TMEM117: variants seen among roughly 807,000 people sequenced by gnomAD.
TMEM117 encodes transmembrane protein 117.
A neutral mutation model predicts 52.4 loss-of-function variants in TMEM117; 27 were observed. The observed-to-expected ratio is 0.51, with a 90% confidence interval of 0.38 to 0.71. The LOEUF (loss-of-function observed/expected upper bound fraction) is 0.71. Among genes scored for constraint, TMEM117 ranks in the 30% least tolerant of loss-of-function variants. The probability of loss-of-function intolerance (pLI) is 0.00; values close to 1 mark genes in which losing one functional copy is unlikely to be tolerated. For missense variants in TMEM117, 556 were observed against 630.5 expected, an observed-to-expected ratio of 0.88 and a Z score of 1.26; for synonymous variants, 215 against 206.3, an observed-to-expected ratio of 1.04 and a Z score of -0.36.
At chr12:43,944,455 T>G (rs1395392979) in intron 3 of TMEM117, 113 bp downstream of exon 3, 3 of 1,000,002 alleles carry the variant, frequency 3.0e-6, no homozygotes, top group Admixed American at 5.4e-5. Flanking sequence ...TATTCTACCC[T>G]AAGAAGAAGG....
rs1947241006 is a variant in TMEM117 at position 44,067,571 on chromosome 12, T to C, written c.411-75954T>C. ...TGTCATTGTCAATGACATTTCATAA[T>C]ATTATGGCGGTAATATTTTGAAAGG... On this transcript the variant is annotated intron_variant, in intron 3 of 7. Transcript: ENST00000266534. Among the ~76,000 whole-genome samples the C allele has an allele frequency of 3.3e-5, 5 of 152,208 alleles. No individual in the cohort carries two copies. In the South Asian group the frequency reaches 1.0e-3, roughly 32 times the overall value.
intron 4 of TMEM117, among the ~76,000 whole-genome samples, chr12:44,198,187 G>T (rs534351991): frequency 6.6e-6 from 1 of 152,232 alleles, no homozygotes; most frequent in East Asian, 1.9e-4. Context: ...GATCATATAT[G>T]TATGTCTGTG....
chr12:43,874,282 A>G (rs1315087125), intron 2 of TMEM117, among the ~76,000 whole-genome samples: 2 of 152,158 alleles, frequency 1.3e-5, no homozygotes, highest in East Asian at 1.9e-4. Context: ...AGAAAGTTAT[A>G]TTAAAAAACA....
At chr12:43,815,866 G>A in the TMEM117 span, among the ~76,000 whole-genome samples, 1 of 152,194 alleles carries the variant, frequency 6.6e-6, no homozygotes, top group Non-Finnish European at 1.5e-5. Context: ...GGGCAGGAAG[G>A]CAGTGCAAGA....
chr12:43,836,035 G>GT (rs1250645934), upstream of TMEM117: 2 of 151,444 alleles, frequency 1.3e-5, no homozygotes, highest in African/African-American at 4.8e-5. Flanking sequence ...GCGGCGGCGG[G>GT]TGTGGGCCGA....
chr12:44,367,891 C>T (rs1205898065), intron 6 of TMEM117, among the ~76,000 whole-genome samples: 2 of 152,088 alleles, frequency 1.3e-5, no homozygotes, highest in African/African-American at 2.4e-5. Context: ...CACCTTGATC[C>T]GACCACCTGG....
chr12:44,332,015 T>C lies in TMEM117; in HGVS notation c.768+32276T>C, dbSNP rs144283316. ...TGCCTACCAATCATCAACTCTGTGC[T>C]AGAGGCATCACACTTATTTATCAAT... On this transcript the variant is annotated intron_variant, in intron 6 of 7. Coordinates refer to ENST00000266534, the MANE Select transcript of TMEM117 (RefSeq NM_032256.3). Among the ~76,000 whole-genome samples, 1,245 of 152,192 alleles carry C rather than the reference T, an allele frequency of 8.2e-3. 16 individuals carry two copies. Among genetic ancestry groups the C allele is most frequent in the African/African-American group, 0.029 (1,199 of 41,542 alleles).
chr12:44,013,457 G>C (rs1279783969), intron 3 of TMEM117, among the ~76,000 whole-genome samples: 1 of 152,142 alleles, frequency 6.6e-6, no homozygotes, highest in Non-Finnish European at 1.5e-5. Context: ...CTTCCCCCAG[G>C]TAGGTTAGGC....
intron 5 of TMEM117, among the ~76,000 whole-genome samples, chr12:44,241,815 C>A (rs1332957293): frequency 6.6e-6 from 1 of 151,980 alleles, no homozygotes; most frequent in Non-Finnish European, 1.5e-5. Flanking sequence ...CTCTGGACTT[C>A]CTAGTCTTCT....
At chr12:44,254,613 A>T (rs1435890945) in intron 5 of TMEM117, among the ~76,000 whole-genome samples, 2 of 152,006 alleles carry the variant, frequency 1.3e-5, no homozygotes. Context: ...TTCAGTAATT[A>T]TTCTGCTTCT....
At chr12:44,087,572 C>T (rs1947592316) in intron 3 of TMEM117, among the ~76,000 whole-genome samples, 1 of 151,968 alleles carries the variant, frequency 6.6e-6, no homozygotes, top group Non-Finnish European at 1.5e-5. Flanking sequence ...TGGTGATGGC[C>T]CCACCTCAGC....
At chr12:44,006,077 G>T (rs1438141859) in intron 3 of TMEM117, among the ~76,000 whole-genome samples, 1 of 152,164 alleles carries the variant, frequency 6.6e-6, no homozygotes. Context: ...TAGCGGATCA[G>T]CTATAAAGAT....
intron 5 of TMEM117, among the ~76,000 whole-genome samples, chr12:44,230,617 G>T (rs528372589): frequency 2.6e-5 from 4 of 151,976 alleles, no homozygotes; most frequent in African/African-American, 9.6e-5. Flanking sequence ...TTCACTAAAA[G>T]ACAGATCAAA....
intron 2 of TMEM117, among the ~76,000 whole-genome samples, chr12:43,876,635 C>T (rs1176360035): frequency 2.0e-5 from 3 of 151,962 alleles, no homozygotes; most frequent in Non-Finnish European, 4.4e-5. Flanking sequence ...CTGAAGCTCC[C>T]CTCCCCTCAC....
intron 3 of TMEM117, among the ~76,000 whole-genome samples, chr12:44,102,021 T>TG (rs1229835829): frequency 6.6e-6 from 1 of 152,006 alleles, no homozygotes; most frequent in Non-Finnish European, 1.5e-5. Flanking sequence ...GAGGTGGGCT[T>TG]GGGGGAATTT....
intron 6 of TMEM117, among the ~76,000 whole-genome samples, chr12:44,311,731 A>ATATG (rs1555150171): frequency 1.4e-5 from 2 of 139,886 alleles, no homozygotes; most frequent in African/African-American, 5.6e-5. Context: ...ATATATGTAT[A>ATATG]TATATATGTA....
chr12:44,130,628 A>G (rs1592543578), intron 3 of TMEM117, among the ~76,000 whole-genome samples: 1 of 152,166 alleles, frequency 6.6e-6, no homozygotes, highest in Non-Finnish European at 1.5e-5. Context: ...GGACTGTACT[A>G]TAATATGCTC....
intron 3 of TMEM117, among the ~76,000 whole-genome samples, chr12:44,139,101 T>C (rs1007326054): frequency 4.6e-5 from 7 of 152,094 alleles, no homozygotes; most frequent in Non-Finnish European, 8.8e-5. Context: ...ATTTATGTTG[T>C]CCAAACATGG....
intron 3 of TMEM117, among the ~76,000 whole-genome samples, chr12:43,995,724 T>C (rs1946018884): frequency 6.6e-6 from 1 of 152,184 alleles, no homozygotes; most frequent in Admixed American, 6.5e-5. Flanking sequence ...CTTTGTATGA[T>C]CTGTGGAATA....
Sources: allele counts gnomAD v4.1 joint callset (sites outside exome capture counted in the v4.1 genomes callset), GRCh38; gene constraint gnomAD v4.1.1; transcripts MANE v1.5; gene names NCBI Gene and HGNC (gene_info 2026-07-23, HGNC 2026-07-21).